Variants in AUH observed in about 807,000 individuals in gnomAD.
AUH encodes methylglutaconyl-CoA hydratase, mitochondrial.
In AUH, 29 loss-of-function variants were observed where a neutral mutation model predicts 42.3. That is an observed-to-expected ratio of 0.69 (90% confidence interval 0.51 to 0.93). AUH has a LOEUF of 0.93. Ranked by LOEUF, AUH falls within the 40% of genes least tolerant of loss-of-function variation. The probability of loss-of-function intolerance (pLI) is 0.00; values close to 1 mark genes in which losing one functional copy is unlikely to be tolerated. For missense variants in AUH, 452 were observed against 438.1 expected, an observed-to-expected ratio of 1.03 and a Z score of -0.28; for synonymous variants, 174 against 166.4, an observed-to-expected ratio of 1.05 and a Z score of -0.35.
chr9:91,310,319 G>A lies in AUH; in HGVS notation c.506-12243C>T, dbSNP rs12552352. ...ATTTTAGGTAGAGGCAGACAGGAAA[G>A]GGATTGCAAGAGAAGGTTCAGCCTG... is the stretch of plus-strand genomic sequence containing the variant. On this transcript the variant is annotated intron_variant, in intron 4 of 9. Coordinates refer to ENST00000375731, the MANE Select transcript of AUH (RefSeq NM_001698.3). Among the ~76,000 whole-genome samples, 259 of 152,328 alleles carry A rather than the reference G, an allele frequency of 1.7e-3. 1 individual carries two copies. The highest frequency in any genetic ancestry group is 0.014 in the Admixed American group (211 of 15,304).
At chr9:91,302,617 A>C (rs1827885809) in intron 4 of AUH, among the ~76,000 whole-genome samples, 1 of 151,682 alleles carries the variant, frequency 6.6e-6, no homozygotes, top group Non-Finnish European at 1.5e-5. Flanking sequence ...AACAAACAAA[A>C]AAATTAGCCA....
In AUH at chr9:91,225,723, C is replaced by T. The variant is rs1827418124; in HGVS notation, c.656-4731G>A. ...CCCCTCCCCCCACCACACCACAGTC[C>T]CCAGAGTGTGATTGTTCCCCTTCCT... On this transcript the variant is annotated intron_variant, in intron 6 of 9. Coordinates refer to ENST00000375731, the MANE Select transcript of AUH (RefSeq NM_001698.3). Among the ~76,000 whole-genome samples the T allele has an allele frequency of 2.1e-5, 3 of 144,980 alleles. No homozygotes were observed. In the Admixed American group the frequency reaches 2.1e-4, roughly 10 times the overall value.
At chr9:91,341,523 A>G (rs140784367) in intron 3 of AUH, among the ~76,000 whole-genome samples, 2 of 152,348 alleles carry the variant, frequency 1.3e-5, no homozygotes, top group Non-Finnish European at 2.9e-5. Flanking sequence ...AAGACTGACA[A>G]TATCTCAAGA....
chr9:91,318,578 C>T (rs556518148), intron 4 of AUH, among the ~76,000 whole-genome samples: 2 of 152,328 alleles, frequency 1.3e-5, no homozygotes, highest in African/African-American at 4.8e-5. Context: ...GCAAACCAGG[C>T]ACCTCCAGAA....
chr9:91,284,903 A>C (rs569795833), intron 6 of AUH, among the ~76,000 whole-genome samples: 11 of 152,310 alleles, frequency 7.2e-5, no homozygotes, highest in African/African-American at 2.4e-4. Flanking sequence ...ACAGTGTGGC[A>C]ATTCCTCAGG....
chr9:91,262,673 A>G (rs1829763826), intron 6 of AUH, among the ~76,000 whole-genome samples: 1 of 149,796 alleles, frequency 6.7e-6, no homozygotes, highest in African/African-American at 2.4e-5. Context: ...AACACTAAAG[A>G]TTAGAAAACG....
intron 9 of AUH, among the ~76,000 whole-genome samples, chr9:91,215,340 C>G (rs900103677): frequency 6.6e-6 from 1 of 152,120 alleles, no homozygotes; most frequent in African/African-American, 2.4e-5. Flanking sequence ...ATGCTCAAGT[C>G]CCTTATATAT....
At chr9:91,328,854 C>T (rs1469921591) in intron 3 of AUH, among the ~76,000 whole-genome samples, 1 of 152,134 alleles carries the variant, frequency 6.6e-6, no homozygotes, top group African/African-American at 2.4e-5. Flanking sequence ...CAGAGTTGTA[C>T]AACCATCACC....
At chr9:91,354,180 CAAGA>C (rs1434666741) in intron 3 of AUH, among the ~76,000 whole-genome samples, 4 of 150,246 alleles carry the variant, frequency 2.7e-5, no homozygotes, top group Non-Finnish European at 5.9e-5. Context: ...AAAAAAAAAA[CAAGA>C]AAGGAAAACC....
chr9:91,275,670 G>C (rs1395534119), intron 6 of AUH, among the ~76,000 whole-genome samples: 1 of 152,158 alleles, frequency 6.6e-6, no homozygotes, highest in Non-Finnish European at 1.5e-5. Context: ...TCTCCAAGCC[G>C]AACAGAAATC....
chr9:91,325,530 A>C (rs1172401061), intron 3 of AUH, 126 bp from the exon 4 acceptor site: 1 of 766,152 alleles, frequency 1.3e-6, no homozygotes, highest in Non-Finnish European at 2.3e-6. Flanking sequence ...TAATAGAATG[A>C]CATTACCTCA....
chr9:91,228,787 A>G (rs1351235658), intron 6 of AUH, among the ~76,000 whole-genome samples: 2 of 152,134 alleles, frequency 1.3e-5, no homozygotes, highest in Admixed American at 6.5e-5. Context: ...GAACATCTTT[A>G]TATCTGCCTT....
At chr9:91,336,170 C>T (rs1388465945) in intron 3 of AUH, among the ~76,000 whole-genome samples, 1 of 152,120 alleles carries the variant, frequency 6.6e-6, no homozygotes, top group Non-Finnish European at 1.5e-5. Context: ...ACATAAAAAA[C>T]CCACGTTGCT....
chr9:91,294,887 G>T lies in AUH; in HGVS notation c.655+1134C>A, dbSNP rs186623898. The T allele has an allele frequency of 6.3e-4, 258 of 408,770 alleles. 2 individuals are homozygous for T. Among genetic ancestry groups the T allele is most frequent in the African/African-American group, 4.4e-3 (217 of 49,078 alleles). 25.3% of individuals were successfully genotyped at this position (408,770 alleles called of 1,614,324 possible). On this transcript the variant is annotated intron_variant, in intron 6 of 9. Transcript: ENST00000375731. Reference sequence around the variant, plus strand: ...ATTTCTGAAGTCTCATTATAAAACTGGAATGGATGGGGAGTTGCTTCTTGT... The same window carrying T: ...ATTTCTGAAGTCTCATTATAAAACTTGAATGGATGGGGAGTTGCTTCTTGT...
intron 4 of AUH, among the ~76,000 whole-genome samples, chr9:91,307,394 A>T (rs1016583984): frequency 7.9e-5 from 12 of 152,250 alleles, no homozygotes; most frequent in Admixed American, 7.8e-4. Context: ...ACAGAGGTGT[A>T]AGTAAATCTA....
chr9:91,292,306 C>T (rs1020681304), intron 6 of AUH, among the ~76,000 whole-genome samples: 3 of 145,654 alleles, frequency 2.1e-5, no homozygotes, highest in African/African-American at 7.7e-5. Flanking sequence ...GACGGAGTCT[C>T]GCTCTGTCAC....
intron 5 of AUH, among the ~76,000 whole-genome samples, chr9:91,297,511 C>G (rs917716241): frequency 1.3e-5 from 2 of 152,174 alleles, no homozygotes; most frequent in South Asian, 2.1e-4. Flanking sequence ...CAGCAACAGT[C>G]ATTTCCCCCA....
At chr9:91,281,205 A>T (rs560743741) in intron 6 of AUH, among the ~76,000 whole-genome samples, 1 of 152,258 alleles carries the variant, frequency 6.6e-6, no homozygotes, top group African/African-American at 2.4e-5. Flanking sequence ...CATTTATTTT[A>T]CACAATGATT....
At chr9:91,347,606 T>C (rs962861696) in intron 3 of AUH, among the ~76,000 whole-genome samples, 1 of 152,136 alleles carries the variant, frequency 6.6e-6, no homozygotes, top group Admixed American at 6.5e-5. Context: ...TTCAGGAAAC[T>C]CCCAGGGTTT....
Sources: allele counts gnomAD v4.1 joint callset (sites outside exome capture counted in the v4.1 genomes callset), GRCh38; gene constraint gnomAD v4.1.1; transcripts MANE v1.5; gene names NCBI Gene and HGNC (gene_info 2026-07-23, HGNC 2026-07-21).